The following PLD5 variants were observed in gnomAD, a reference collection of about 807,000 sequenced individuals.
PLD5 encodes phospholipase D family member 5.
A neutral mutation model predicts 61.1 loss-of-function variants in PLD5; 36 were observed. The ratio of observed to expected loss-of-function variants is 0.59; its 90% CI spans 0.45 to 0.78. PLD5 has a LOEUF of 0.78. PLD5 is among the 30% of genes least tolerant of loss of function. The pLI is 0.00. For missense variants in PLD5, 515 were observed against 644.4 expected (o/e 0.80, Z 2.17); for synonymous variants, 243 against 242.8 (o/e 1.00, Z -0.01).
At chr1:242,095,847 T>C (rs1660178526) in intron 9 of PLD5, among the ~76,000 whole-genome samples, 4 of 152,224 alleles carry the variant, frequency 2.6e-5, no homozygotes. Flanking sequence ...TTTAATCACT[T>C]GCAGCTGATT....
intron 1 of PLD5, among the ~76,000 whole-genome samples, chr1:242,468,989 G>A (rs188827608): frequency 6.6e-6 from 1 of 152,144 alleles, no homozygotes; most frequent in African/African-American, 2.4e-5. Context: ...CAGTGAAGCC[G>A]TGATTCAGAC....
At chr1:242,206,074 G>A (rs1386974975) in intron 5 of PLD5, among the ~76,000 whole-genome samples, 1 of 152,218 alleles carries the variant, frequency 6.6e-6, no homozygotes, top group African/African-American at 2.4e-5. Context: ...GATGAAATCA[G>A]TAGCTTTAGG....
At chr1:242,101,007 T>G (rs567584737) in intron 8 of PLD5, among the ~76,000 whole-genome samples, 1 of 152,236 alleles carries the variant, frequency 6.6e-6, no homozygotes, top group South Asian at 2.1e-4. Flanking sequence ...TTAACACTTT[T>G]AAGCTACAAA....
At chr1:242,512,867 T>C (rs928612792) in intron 1 of PLD5, among the ~76,000 whole-genome samples, 4 of 65,232 alleles carry the variant, frequency 6.1e-5, no homozygotes, top group Admixed American at 3.6e-4. Context: ...GAATTCTTTT[T>C]TATTTTTTCT....
intron 4 of PLD5, among the ~76,000 whole-genome samples, chr1:242,264,968 G>A (rs1010599694): frequency 1.3e-5 from 2 of 152,060 alleles, no homozygotes; most frequent in African/African-American, 4.8e-5. Flanking sequence ...AGCGTGAAAA[G>A]GATTTTCATT....
chr1:242,241,667 A>G (rs409092), intron 4 of PLD5, among the ~76,000 whole-genome samples: 107,020 of 151,162 alleles, frequency 0.71, 39,357 homozygotes, highest in Non-Finnish European at 0.81. Context: ...AAACTTCTAC[A>G]GGCCACTTGG....
intron 1 of PLD5, among the ~76,000 whole-genome samples, chr1:242,478,284 G>T (rs554267150): frequency 6.6e-6 from 1 of 152,224 alleles, no homozygotes; most frequent in East Asian, 1.9e-4. Flanking sequence ...GTCCTAGGAA[G>T]GCCTTTGGAA....
chr1:242,331,889 T>C (rs1659194884), intron 2 of PLD5, among the ~76,000 whole-genome samples: 1 of 152,188 alleles, frequency 6.6e-6, no homozygotes, highest in African/African-American at 2.4e-5. Flanking sequence ...CACTTAGCAA[T>C]GCCTTTTATT....
chr1:242,186,291 T>A (rs1266590462), intron 5 of PLD5, among the ~76,000 whole-genome samples: 8 of 152,026 alleles, frequency 5.3e-5, no homozygotes, highest in Admixed American at 5.2e-4. Flanking sequence ...CAAGCGAACC[T>A]CCTGCCTCAG....
chr1:242,478,938 A>G (rs1318385621), intron 1 of PLD5, among the ~76,000 whole-genome samples: 1 of 152,270 alleles, frequency 6.6e-6, no homozygotes, highest in Admixed American at 6.5e-5. Context: ...ATAGAATACT[A>G]GTTATTAAAT....
intron 1 of PLD5, among the ~76,000 whole-genome samples, chr1:242,360,334 A>C (rs1247764436): frequency 6.6e-6 from 1 of 152,188 alleles, no homozygotes; most frequent in Non-Finnish European, 1.5e-5. Flanking sequence ...ATGAAAAAAA[A>C]CATAAATTTT....
intron 7 of PLD5, among the ~76,000 whole-genome samples, chr1:242,108,571 GCCGGC>G (rs1661243347): frequency 6.6e-6 from 1 of 152,158 alleles, no homozygotes. Flanking sequence ...CTCTGCCTCT[GCCGGC>G]CCCCAACACA....
chr1:242,213,620 C>T (rs972806370), intron 5 of PLD5, among the ~76,000 whole-genome samples: 6 of 151,784 alleles, frequency 4.0e-5, no homozygotes, highest in Non-Finnish European at 5.9e-5. Flanking sequence ...TTAGGCATTC[C>T]GACTTATAAG....
chr1:242,500,864 CTAAA>C (rs1174931425), intron 1 of PLD5, among the ~76,000 whole-genome samples: 1 of 152,110 alleles, frequency 6.6e-6, no homozygotes, highest in Admixed American at 6.5e-5. Context: ...TTAGGAATAA[CTAAA>C]TGTCGGGGCT....
At chr1:242,459,089 C>A (rs1667032561) in intron 1 of PLD5, among the ~76,000 whole-genome samples, 1 of 152,124 alleles carries the variant, frequency 6.6e-6, no homozygotes, top group African/African-American at 2.4e-5. Flanking sequence ...ATTGACTAAT[C>A]AAATTAATGA....
Position 242,154,871 on chromosome 1 carries a change from C to T in PLD5, c.736-30206G>A, listed in dbSNP as rs145661248. 9.9e-3 allele frequency among the ~76,000 whole-genome samples: 1,508 copies of T among 152,078 alleles called. 31 individuals are homozygous for T. Among genetic ancestry groups the T allele is most frequent in the East Asian group, 0.057 (295 of 5,172 alleles). On this transcript the variant is annotated intron_variant, in intron 5 of 9. Coordinates refer to ENST00000536534, the MANE Select transcript of PLD5 (RefSeq NM_001372062.1). Reference sequence around the variant, plus strand: ...GATACTGGCCTCATAAAATGAGTTACGGAGGATTCCCTCTTTTTCTACTGT... The same window carrying T: ...GATACTGGCCTCATAAAATGAGTTATGGAGGATTCCCTCTTTTTCTACTGT...
chr1:242,318,317 G>T (rs964514839), intron 2 of PLD5, among the ~76,000 whole-genome samples: 9 of 152,092 alleles, frequency 5.9e-5, no homozygotes, highest in Non-Finnish European at 1.3e-4. Context: ...CCTGAGTCCC[G>T]CCGTGTTCCT....
chr1:242,149,296 C>A (rs1205189307), intron 5 of PLD5, among the ~76,000 whole-genome samples: 1 of 151,800 alleles, frequency 6.6e-6, no homozygotes, highest in East Asian at 1.9e-4. Context: ...CAGTATTTTA[C>A]ACTGATTGTT....
In PLD5 at chr1:242,519,427, C is replaced by T. The variant is rs142364795; in HGVS notation, c.189+4661G>A. ...AGACAATCTTTTTTTAAGTGTGAGGCACTTACTAAATAAATCAAGATACTA... is the reference window on the plus strand; with the variant it reads ...AGACAATCTTTTTTTAAGTGTGAGGTACTTACTAAATAAATCAAGATACTA... On this transcript the variant is annotated intron_variant, in intron 1 of 9. Transcript: ENST00000536534. Among the ~76,000 whole-genome samples the T allele has an allele frequency of 1.7e-3, 265 of 152,290 alleles. 2 individuals are homozygous for T. Among genetic ancestry groups the T allele is most frequent in the African/African-American group, 6.3e-3 (260 of 41,556 alleles).
Sources: gnomAD v4.1 joint callset for allele counts (sites outside exome capture counted in the v4.1 genomes callset) on GRCh38, gnomAD v4.1.1 for gene constraint, MANE v1.5 for transcripts, NCBI Gene and HGNC (gene_info 2026-07-23, HGNC 2026-07-21) for gene names.